The following SIMC1 variants were observed in gnomAD, a reference collection of about 807,000 sequenced individuals.
The protein encoded by SIMC1 is SUMO interacting motifs containing 1.
SIMC1 carries 55 observed loss-of-function variants against 82.3 expected under a neutral mutation model. That is an observed-to-expected ratio of 0.67 (90% CI 0.54 to 0.84). SIMC1 has a LOEUF of 0.84. Among genes scored for constraint, SIMC1 ranks in the 40% least tolerant of loss-of-function variants. The pLI is 0.00. For missense variants in SIMC1, 915 were observed against 1,107.2 expected (o/e 0.83, Z 2.46); for synonymous variants, 353 against 426.3 (o/e 0.83, Z 2.12).
rs1403434822 is a variant in SIMC1 at position 176,328,407 on chromosome 5, AGGTACTG to A, written c.2171+3653_2171+3659del. ...GTGGGAATGGGATAAAAAGGAGAAA[AGGTACTG>A]GGCTCGGTGGTAATGGTGGCAGTGG... On this transcript the variant is annotated intron_variant, in intron 7 of 9. Transcript: ENST00000429602. Among the ~76,000 whole-genome samples, 4 of 152,104 alleles carry A rather than the reference AGGTACTG, an allele frequency of 2.6e-5. No individual in the cohort carries two copies. In the East Asian group the frequency reaches 7.7e-4, roughly 29 times the overall value.
intron 1 of SIMC1, among the ~76,000 whole-genome samples, chr5:176,284,374 C>G (rs554096167): frequency 3.3e-5 from 5 of 152,304 alleles, no homozygotes; most frequent in South Asian, 2.1e-4. Context: ...GAAACTCACT[C>G]AAAACCGCTC....
At chr5:176,305,206 G>A (rs1211870847) in intron 4 of SIMC1, among the ~76,000 whole-genome samples, 3 of 60,626 alleles carry the variant, frequency 4.9e-5, no homozygotes, top group African/African-American at 1.2e-4. Flanking sequence ...TCAGCCCCCC[G>A]CCCGGCCAGC....
chr5:176,260,977 C>T (rs942383887), intron 1 of SIMC1: 2 of 152,346 alleles, frequency 1.3e-5, no homozygotes, highest in Admixed American at 6.5e-5. Context: ...GTGGCAACTA[C>T]ATACAGCAGT....
At chr5:176,319,722 G>A (rs1458094507) in intron 5 of SIMC1, among the ~76,000 whole-genome samples, 2 of 152,036 alleles carry the variant, frequency 1.3e-5, no homozygotes, top group East Asian at 1.9e-4. Context: ...ATGTCATCTC[G>A]TATCTTTGAT....
chr5:176,243,800 TGAGC>T, intron 1 of SIMC1, among the ~76,000 whole-genome samples: 1 of 152,080 alleles, frequency 6.6e-6, no homozygotes, highest in African/African-American at 2.4e-5. Context: ...ATTACAGGCG[TGAGC>T]CACTGCACCT....
At chr5:176,259,440 A>G (rs1358004475) in intron 1 of SIMC1, among the ~76,000 whole-genome samples, 4 of 150,340 alleles carry the variant, frequency 2.7e-5, no homozygotes, top group African/African-American at 4.9e-5. Context: ...ACAGAGCGAG[A>G]CTCCATCTGG....
At chr5:176,293,572 C>G (rs983196691) in intron 2 of SIMC1, among the ~76,000 whole-genome samples, 1 of 151,852 alleles carries the variant, frequency 6.6e-6, no homozygotes, top group Non-Finnish European at 1.5e-5. Flanking sequence ...GGTGAAACCC[C>G]ATCTCTACTA....
chr5:176,292,475 T>A lies in SIMC1; in HGVS notation c.1431+1520T>A, dbSNP rs193194470. On this transcript the variant is annotated intron_variant, in intron 2 of 9. Coordinates refer to ENST00000429602, the MANE Select transcript of SIMC1 (RefSeq NM_001308195.2). ...GGAGAATGATTTTTTTTCTCTTTTT[T>A]AAAATTATTACATCTTCTAATATGT... Among the ~76,000 whole-genome samples the A allele has an allele frequency of 2.4e-3, 371 of 152,300 alleles. 2 individuals carry two copies. The highest frequency in any genetic ancestry group is 8.4e-3 in the African/African-American group (348 of 41,556).
chr5:176,258,275 C>A (rs907130051), intron 1 of SIMC1, among the ~76,000 whole-genome samples: 1 of 151,882 alleles, frequency 6.6e-6, no homozygotes, highest in African/African-American at 2.4e-5. Flanking sequence ...TGGATTAACT[C>A]ATAATCTTCA....
intron 2 of SIMC1, among the ~76,000 whole-genome samples, chr5:176,292,906 G>A (rs1336068025): frequency 2.0e-5 from 3 of 152,014 alleles, no homozygotes; most frequent in African/African-American, 7.3e-5. Context: ...TTATACATAG[G>A]CATTTTACAT....
intron 1 of SIMC1, among the ~76,000 whole-genome samples, chr5:176,268,722 G>A (rs1014464193): frequency 2.0e-5 from 3 of 152,162 alleles, no homozygotes; most frequent in Non-Finnish European, 2.9e-5. Flanking sequence ...AACTACAACC[G>A]TAGTTGGACA....
intron 9 of SIMC1, among the ~76,000 whole-genome samples, chr5:176,338,481 G>A (rs1765997441): frequency 6.6e-6 from 1 of 152,018 alleles, no homozygotes; most frequent in Non-Finnish European, 1.5e-5. Context: ...TACATTGTTC[G>A]GACAATTGGT....
intron 1 of SIMC1, among the ~76,000 whole-genome samples, chr5:176,272,667 A>C (rs989438130): frequency 6.6e-6 from 1 of 152,212 alleles, no homozygotes; most frequent in Non-Finnish European, 1.5e-5. Context: ...GCAAAGGGTC[A>C]GGGAATTCCC....
At chr5:176,282,136 C>T (rs1415438049) in intron 1 of SIMC1, among the ~76,000 whole-genome samples, 2 of 152,230 alleles carry the variant, frequency 1.3e-5, no homozygotes, top group Non-Finnish European at 2.9e-5. Context: ...TGGGCAATGG[C>T]GGGCGCCCCT....
rs747196876 is a variant in SIMC1, at chr5:176,336,867, C to T, written c.2319C>T (p.Leu773=). Residue 773 remains leucine, a synonymous_variant, in exon 8 of 10, where the codon CTC becomes CTT. Transcript: ENST00000429602. ...LYFLNNSTSL[L]KCQSDKSQWQ... ...TTCTGAATAATTCTACGTCACTGCT[C>T]AAGTGTCAGGTACATTTTTTCCTGC... The T allele has an allele frequency of 1.2e-6, 2 of 1,613,844 alleles. No individual in the cohort carries two copies. Among genetic ancestry groups the T allele is most frequent in the Non-Finnish European group, 8.5e-7 (1 of 1,179,886 alleles).
At chr5:176,335,107 A>AAT (rs1554116036) in intron 7 of SIMC1, among the ~76,000 whole-genome samples, 3 of 150,472 alleles carry the variant, frequency 2.0e-5, no homozygotes, top group Admixed American at 2.0e-4. Context: ...AAAAAAAAAA[A>AAT]AATAATAATA....
At chr5:176,301,722 T>C (rs1050175796) in intron 4 of SIMC1, among the ~76,000 whole-genome samples, 3 of 149,676 alleles carry the variant, frequency 2.0e-5, no homozygotes, top group African/African-American at 7.4e-5. Context: ...GGGGTTGCAG[T>C]GAGGCAAGAT....
rs1428016379 is a variant in SIMC1 at position 176,305,136 on chromosome 5, A to AGCGGGGGGGGG, written c.1735-8554_1735-8553insCGGGGGGGGGG. Among the ~76,000 whole-genome samples, 21 of 32,670 alleles carry AGCGGGGGGGGG rather than the reference A, an allele frequency of 6.4e-4. 1 individual carries two copies. The highest frequency in any genetic ancestry group is 1.2e-3 in the Admixed American group (4 of 3,330). 21.4% of individuals were successfully genotyped at this position (32,670 alleles called of 152,430 possible). A position where few individuals can be genotyped will look rare whatever the true frequency, so the allele number is the denominator to read the frequency against. On this transcript the variant is annotated intron_variant, in intron 4 of 9. Transcript: ENST00000429602. ...CGCCCGGCCAGCCGTGCCATCCAGGAGGGGGGGGGGGTCAGCCCCCCGCCT... is the reference window on the plus strand; with the variant it reads ...CGCCCGGCCAGCCGTGCCATCCAGGAGCGGGGGGGGGGGGGGGGGGGGTCAGCCCCCCGCCT...
intron 1 of SIMC1, among the ~76,000 whole-genome samples, chr5:176,273,246 G>A (rs1162795363): frequency 6.6e-6 from 1 of 152,172 alleles, no homozygotes; most frequent in Non-Finnish European, 1.5e-5. Flanking sequence ...CCAGAGGAAC[G>A]ATCAGGCAGC....
Sources: allele counts gnomAD v4.1 joint callset (sites outside exome capture counted in the v4.1 genomes callset), GRCh38; gene constraint gnomAD v4.1.1; transcripts MANE v1.5; gene names NCBI Gene and HGNC (gene_info 2026-07-23, HGNC 2026-07-21).